The following PLCB1 variants were observed in gnomAD, a reference collection of about 807,000 sequenced individuals.
PLCB1 encodes phospholipase C beta 1.
PLCB1 carries 46 observed loss-of-function variants against 161.8 expected under a neutral mutation model. The ratio of observed to expected loss-of-function variants is 0.28; its 90% CI spans 0.22 to 0.36. PLCB1 has a LOEUF of 0.36. PLCB1 is among the 10% of genes least tolerant of loss of function. The pLI is 1.00. For synonymous variants in PLCB1, 517 were observed against 503.7 expected, an observed-to-expected ratio of 1.03 and a Z score of -0.35; for missense variants, 1,016 against 1,472.5, an observed-to-expected ratio of 0.69 and a Z score of 5.07.
intron 1 of PLCB1, among the ~76,000 whole-genome samples, chr20:8,135,653 T>G (rs976224314): frequency 6.6e-6 from 1 of 152,166 alleles, no homozygotes; most frequent in African/African-American, 2.4e-5. Flanking sequence ...GGAGTTTTTT[T>G]GACTATTTCA....
chr20:8,502,510 G>T (rs1983466431), intron 3 of PLCB1, among the ~76,000 whole-genome samples: 1 of 152,120 alleles, frequency 6.6e-6, no homozygotes, highest in Non-Finnish European at 1.5e-5. Context: ...ACATTGACTT[G>T]CATTTAATTA....
At chr20:8,519,592 A>AT in intron 3 of PLCB1, among the ~76,000 whole-genome samples, 1 of 152,116 alleles carries the variant, frequency 6.6e-6, no homozygotes, top group Admixed American at 6.5e-5. Context: ...AACTGCTTCC[A>AT]TTTTGTATAA....
At chr20:8,344,201 T>G (rs1985912277) in intron 2 of PLCB1, among the ~76,000 whole-genome samples, 1 of 152,210 alleles carries the variant, frequency 6.6e-6, no homozygotes, top group African/African-American at 2.4e-5. Context: ...CTGTAAATAC[T>G]TCAAGTGCAG....
intron 3 of PLCB1, among the ~76,000 whole-genome samples, chr20:8,527,184 T>TTGTA (rs779090616): frequency 6.6e-6 from 1 of 152,118 alleles, no homozygotes; most frequent in East Asian, 1.9e-4. Context: ...ATGGGTATAA[T>TTGTA]TGTATCTTTT....
intron 26 of PLCB1, among the ~76,000 whole-genome samples, chr20:8,772,595 G>A (rs2146201506): frequency 6.6e-6 from 1 of 152,282 alleles, no homozygotes; most frequent in East Asian, 1.9e-4. Flanking sequence ...GGAACTGATT[G>A]AAGAAATGCC....
chr20:8,187,449 A>G (rs1234237366), intron 2 of PLCB1, among the ~76,000 whole-genome samples: 2 of 152,128 alleles, frequency 1.3e-5, no homozygotes, highest in Non-Finnish European at 2.9e-5. Flanking sequence ...GCCTCCTCCC[A>G]TTTCTGTTAT....
At chr20:8,759,755 C>T (rs769831304) in intron 24 of PLCB1, among the ~76,000 whole-genome samples, 1 of 152,146 alleles carries the variant, frequency 6.6e-6, no homozygotes, top group Non-Finnish European at 1.5e-5. Context: ...CTACCTTGGC[C>T]TCCCAGCGTT....
chr20:8,625,720 AT>A (rs933138516), intron 3 of PLCB1, among the ~76,000 whole-genome samples: 19 of 151,656 alleles, frequency 1.3e-4, no homozygotes, highest in South Asian at 4.2e-4. Context: ...ACCTTTTTAA[AT>A]TTTTTTTTCC....
intron 2 of PLCB1, among the ~76,000 whole-genome samples, chr20:8,162,799 C>G (rs2051638970): frequency 6.6e-6 from 1 of 152,148 alleles, no homozygotes; most frequent in South Asian, 2.1e-4. Context: ...AATGACTGTG[C>G]TGGTATACAT....
At chr20:8,802,112 C>T (rs770986109) in intron 31 of PLCB1, 2 of 1,610,664 alleles carry the variant, frequency 1.2e-6, no homozygotes, top group African/African-American at 1.3e-5. Flanking sequence ...CCTCTGTTTC[C>T]CCCAACTTTA....
At chr20:8,770,343 A>G (rs1982611836) in intron 26 of PLCB1, among the ~76,000 whole-genome samples, 1 of 152,256 alleles carries the variant, frequency 6.6e-6, no homozygotes, top group Non-Finnish European at 1.5e-5. Flanking sequence ...AGCTAAAGGT[A>G]TTACCATTTA....
At chr20:8,513,980 C>T (rs141926567) in intron 3 of PLCB1, among the ~76,000 whole-genome samples, 23 of 151,916 alleles carry the variant, frequency 1.5e-4, no homozygotes, top group African/African-American at 4.3e-4. Flanking sequence ...GAGCCAAGAT[C>T]ATGCCACCCC....
At chr20:8,448,949 TG>T (rs1980955528) in intron 3 of PLCB1, among the ~76,000 whole-genome samples, 1 of 152,196 alleles carries the variant, frequency 6.6e-6, no homozygotes, top group East Asian at 1.9e-4. Context: ...TGAGATTTTA[TG>T]ATTCCATGAT....
intron 31 of PLCB1, among the ~76,000 whole-genome samples, chr20:8,856,405 C>A (rs181310141): frequency 6.6e-6 from 1 of 152,004 alleles, no homozygotes; most frequent in Non-Finnish European, 1.5e-5. Context: ...CACTTGAGGC[C>A]AGGAGTTCGA....
chr20:8,393,007 A>G (rs188778672), intron 3 of PLCB1, among the ~76,000 whole-genome samples: 8 of 152,278 alleles, frequency 5.3e-5, no homozygotes, highest in Admixed American at 3.9e-4. Context: ...ATTAATGTCC[A>G]TAGAGATTTC....
chr20:8,795,078 T>G (rs1983950718), intron 31 of PLCB1, among the ~76,000 whole-genome samples: 1 of 152,212 alleles, frequency 6.6e-6, no homozygotes, highest in Admixed American at 6.5e-5. Flanking sequence ...TTTGTTTCAA[T>G]TCTGCATGTG....
intron 2 of PLCB1, among the ~76,000 whole-genome samples, chr20:8,316,647 T>C (rs1488011500): frequency 1.3e-5 from 2 of 152,114 alleles, no homozygotes; most frequent in African/African-American, 2.4e-5. Flanking sequence ...TAAATGCCTA[T>C]ATACAAACCC....
chr20:8,776,817 A>G (rs980274786), intron 27 of PLCB1, among the ~76,000 whole-genome samples: 3 of 152,184 alleles, frequency 2.0e-5, no homozygotes, highest in African/African-American at 7.2e-5. Flanking sequence ...TAAGTTGGTA[A>G]AACATGTAGT....
At chr20:8,605,138 AC>A (rs149713227) in intron 3 of PLCB1, among the ~76,000 whole-genome samples, 2,541 of 152,310 alleles carry the variant, frequency 0.017, 218 homozygotes, top group Admixed American at 0.15. Flanking sequence ...CATTAAAAAA[AC>A]AATTTCCCTT....
Sources: allele counts gnomAD v4.1 joint callset (sites outside exome capture counted in the v4.1 genomes callset), GRCh38; gene constraint gnomAD v4.1.1; transcripts MANE v1.5; gene names NCBI Gene and HGNC (gene_info 2026-07-23, HGNC 2026-07-21).